Variants in ADAMTS2 observed in about 807,000 individuals in gnomAD.
ADAMTS2 encodes ADAM metallopeptidase with thrombospondin type 1 motif 2, also known as A disintegrin and metalloproteinase with thrombospondin motifs 2.
A neutral mutation model predicts 123.0 loss-of-function variants in ADAMTS2; 50 were observed. The ratio of observed to expected loss-of-function variants is 0.41; its 90% CI spans 0.32 to 0.51. The LOEUF (loss-of-function observed/expected upper bound fraction) is 0.51. ADAMTS2 is among the 20% of genes least tolerant of loss of function. The pLI, the probability that ADAMTS2 is intolerant of heterozygous loss-of-function variation, is 0.35. For synonymous variants in ADAMTS2, 678 were observed against 695.4 expected, an observed-to-expected ratio of 0.98 and a Z score of 0.39; for missense variants, 1,494 against 1,705.2, an observed-to-expected ratio of 0.88 and a Z score of 2.18.
intron 5 of ADAMTS2, among the ~76,000 whole-genome samples, chr5:179,163,589 G>A (rs1261597806): frequency 6.6e-6 from 1 of 152,152 alleles, no homozygotes; most frequent in Non-Finnish European, 1.5e-5. Flanking sequence ...GCCCTGCAGT[G>A]GGCAGCCCCT....
At chr5:179,209,134 TG>T (rs1364431065) in intron 3 of ADAMTS2, among the ~76,000 whole-genome samples, 14 of 152,158 alleles carry the variant, frequency 9.2e-5, no homozygotes, top group African/African-American at 3.4e-4. Flanking sequence ...TGAGGCAGCC[TG>T]GTACCAGGCC....
rs1010085025 is a variant in ADAMTS2 at position 179,345,397 on chromosome 5, CCA to C, written c.-71_-70del. 2 of 1,091,504 alleles carry C rather than the reference CCA, an allele frequency of 1.8e-6. No homozygotes were observed. Among genetic ancestry groups the C allele is most frequent in the African/African-American group, 3.4e-5 (2 of 59,592 alleles). 67.6% of individuals were successfully genotyped at this position (1,091,504 alleles called of 1,614,324 possible). ...GAAAGTTCCCCGCGAGCCGCCCAGC[CCA>C]CATCTGGGGGCAGCTGGAGCCGCCC... is the stretch of plus-strand genomic sequence containing the variant. On this transcript the variant is annotated 5_prime_UTR_variant, in exon 1 of 22. Transcript: ENST00000251582. The surrounding 1 kb of genome is among the most constrained non-coding windows in gnomAD (Gnocchi z 7.5).
rs1461653462 is a variant in ADAMTS2, at chr5:179,345,070, C to G, written c.139+120G>C. 1 of 789,444 alleles carries G rather than the reference C, an allele frequency of 1.3e-6. No homozygotes were observed. The highest frequency in any genetic ancestry group is 1.9e-5 in the African/African-American group (1 of 53,558). 48.9% of individuals were successfully genotyped at this position (789,444 alleles called of 1,614,324 possible). ...CGAAGTTGGCCAACTTGGCCCCGGG[C>G]GGGGCGCGCGGAGTTTGCCCAAGTC... On this transcript the variant is annotated intron_variant, in intron 1 of 21. Coordinates refer to ENST00000251582, the MANE Select transcript of ADAMTS2 (RefSeq NM_014244.5). This position sits in a 1 kb window ranked among gnomAD's most constrained non-coding sequence, Gnocchi z 7.5.
At chr5:179,341,298 G>A (rs905419684) in intron 2 of ADAMTS2, 1 of 364,872 alleles carries the variant, frequency 2.7e-6, no homozygotes. Context: ...AAGATGGGCA[G>A]ATCGCTTGAG....
chr5:179,336,821 C>T (rs990197653), intron 2 of ADAMTS2, among the ~76,000 whole-genome samples: 1 of 152,196 alleles, frequency 6.6e-6, no homozygotes, highest in Admixed American at 6.5e-5. Context: ...GACCATGTGA[C>T]CCGCAACAGC....
Position 179,162,364 on chromosome 5 carries a change from G to A in ADAMTS2, c.976-3485C>T, listed in dbSNP as rs1266310957. Among the ~76,000 whole-genome samples, 1 of 152,142 alleles carries A rather than the reference G, an allele frequency of 6.6e-6. No homozygotes were observed. The highest frequency in any genetic ancestry group is 2.4e-5 in the African/African-American group (1 of 41,430). Reference sequence around the variant, plus strand: ...AAGGAGTAGGCAAGGTGTGAGGTGGGGGGCCTGCAGCGGCTGGAGCCCCCC... The same window carrying A: ...AAGGAGTAGGCAAGGTGTGAGGTGGAGGGCCTGCAGCGGCTGGAGCCCCCC... On this transcript the variant is annotated intron_variant, in intron 5 of 21. Coordinates refer to ENST00000251582, the MANE Select transcript of ADAMTS2 (RefSeq NM_014244.5). This position sits in a 1 kb window ranked among gnomAD's most constrained non-coding sequence, Gnocchi z 5.1.
chr5:179,200,909 T>G (rs1027290900), intron 4 of ADAMTS2, among the ~76,000 whole-genome samples: 96 of 152,246 alleles, frequency 6.3e-4, no homozygotes, highest in African/African-American at 2.2e-3. Context: ...CACAGACTCT[T>G]CAGATGAATA....
Position 179,343,659 on chromosome 5 carries a change from A to C in ADAMTS2, c.534+108T>G, listed in dbSNP as rs1221953392. 2.1e-6 allele frequency: 3 copies of C among 1,441,224 alleles called. No homozygotes were observed. The South Asian group carries it at 3.7e-5, about 18-fold the overall frequency. 89.3% of individuals were successfully genotyped at this position (1,441,224 alleles called of 1,614,324 possible). A position where few individuals can be genotyped will look rare whatever the true frequency, so the allele number is the denominator to read the frequency against. On this transcript the variant is annotated intron_variant, in intron 2 of 21. Transcript: ENST00000251582. ...TCACTAAAGCACGGGAAGGGCGCGG[A>C]AAGTCCTCAGCGCAGGCCTTGCCCT...
At chr5:179,157,591 C>T (rs1292210368) in intron 6 of ADAMTS2, among the ~76,000 whole-genome samples, 1 of 151,236 alleles carries the variant, frequency 6.6e-6, no homozygotes, top group Non-Finnish European at 1.5e-5. Context: ...GATCATAGCT[C>T]ACTTCCTGGG....
chr5:179,223,147 G>A (rs950796186), intron 3 of ADAMTS2, among the ~76,000 whole-genome samples: 2 of 152,230 alleles, frequency 1.3e-5, no homozygotes, highest in African/African-American at 4.8e-5. Context: ...AGCCTTGCGT[G>A]GCACCACCTC....
chr5:179,115,988 C>T lies in ADAMTS2; in HGVS notation c.3179-1664G>A, dbSNP rs1581133465. Reference sequence around the variant, plus strand: ...CAAGGGCCTGTGGGTCCCAAAAGCCCGAGACCCAACCCCTGCAGCGTGAGC... The same window carrying T: ...CAAGGGCCTGTGGGTCCCAAAAGCCTGAGACCCAACCCCTGCAGCGTGAGC... On this transcript the variant is annotated intron_variant, in intron 21 of 21. Coordinates refer to ENST00000251582, the MANE Select transcript of ADAMTS2 (RefSeq NM_014244.5). The surrounding 1 kb of genome is among the most constrained non-coding windows in gnomAD (Gnocchi z 4.4). Among the ~76,000 whole-genome samples the T allele has an allele frequency of 1.3e-5, 2 of 151,990 alleles. No homozygotes were observed. Among genetic ancestry groups the T allele is most frequent in the African/African-American group, 4.8e-5 (2 of 41,392 alleles).
intron 2 of ADAMTS2, among the ~76,000 whole-genome samples, chr5:179,304,862 A>G (rs1756628407): frequency 1.3e-5 from 2 of 152,196 alleles, no homozygotes; most frequent in Non-Finnish European, 2.9e-5. Context: ...GCAAACCTCA[A>G]ATGAGAGAAA....
chr5:179,140,831 C>T (rs1763152710), intron 10 of ADAMTS2, among the ~76,000 whole-genome samples: 2 of 68,896 alleles, frequency 2.9e-5, no homozygotes, highest in Admixed American at 3.4e-4. Flanking sequence ...GACAGAGTCT[C>T]ACTCTGTCCC....
Position 179,317,718 on chromosome 5 carries a change from C to T in ADAMTS2, c.534+26049G>A, listed in dbSNP as rs1391327724. Among the ~76,000 whole-genome samples, 3 of 152,214 alleles carry T rather than the reference C, an allele frequency of 2.0e-5. 1 individual carries two copies. Among genetic ancestry groups the T allele is most frequent in the Non-Finnish European group, 2.9e-5 (2 of 68,034 alleles). ...ATCGCATACATCACCCACACACACA[C>T]GTGTACATTTCAGCACGCGTCTAGG... On this transcript the variant is annotated intron_variant, in intron 2 of 21. Coordinates refer to ENST00000251582, the MANE Select transcript of ADAMTS2 (RefSeq NM_014244.5). The surrounding 1 kb of genome is among the most constrained non-coding windows in gnomAD (Gnocchi z 4.9).
chr5:179,199,476 G>A (rs1201685357), intron 4 of ADAMTS2, among the ~76,000 whole-genome samples: 4 of 152,240 alleles, frequency 2.6e-5, no homozygotes, highest in African/African-American at 9.6e-5. Context: ...GGGATTGGCC[G>A]TGGCCATACG....
At chr5:179,318,881 C>T (rs1757078246) in intron 2 of ADAMTS2, among the ~76,000 whole-genome samples, 1 of 152,210 alleles carries the variant, frequency 6.6e-6, no homozygotes, top group Admixed American at 6.5e-5. Context: ...GCCTGGGCCA[C>T]AAAGAGAGCT....
In ADAMTS2 at chr5:179,114,149, C is replaced by T; in HGVS notation, c.3354G>A (p.Val1118=). The part of the protein sequence containing the change: ...PPPGKHNDID[V]FMPTLPVPTV... ...TGGGCACTGGGAGGGTAGGCATGAA[C>T]ACGTCAATGTCGTTGTGCTTCCCAG... is the stretch of plus-strand genomic sequence containing the variant. Residue 1118 remains valine (V), a synonymous_variant, in exon 22 of 22, where the codon GTG becomes GTA. Coordinates refer to ENST00000251582, the MANE Select transcript of ADAMTS2 (RefSeq NM_014244.5). 6.2e-7 allele frequency: 1 copy of T among 1,613,800 alleles called. No individual in the cohort carries two copies. Among genetic ancestry groups the T allele is most frequent in the Non-Finnish European group, 8.5e-7 (1 of 1,179,744 alleles).
At chr5:179,329,849 G>A (rs980791284) in intron 2 of ADAMTS2, among the ~76,000 whole-genome samples, 7 of 152,288 alleles carry the variant, frequency 4.6e-5, no homozygotes, top group East Asian at 3.9e-4. Context: ...GTTTCAGGCC[G>A]GGCGTGGTGG....
chr5:179,264,361 A>T (rs1766306685), intron 3 of ADAMTS2, among the ~76,000 whole-genome samples: 1 of 152,216 alleles, frequency 6.6e-6, no homozygotes, highest in Admixed American at 6.5e-5. Context: ...ACTTCACCCC[A>T]GCCAGCAGGC....
Sources: allele counts gnomAD v4.1 joint callset (sites outside exome capture counted in the v4.1 genomes callset), GRCh38; gene constraint gnomAD v4.1.1; non-coding constraint Gnocchi (gnomAD v3.1); transcripts MANE v1.5; gene names NCBI Gene and HGNC (gene_info 2026-07-23, HGNC 2026-07-21).